Variants in CPQ observed in about 807,000 individuals in gnomAD.
CPQ encodes carboxypeptidase Q.
A neutral mutation model predicts 45.7 loss-of-function variants in CPQ; 37 were observed. The ratio of observed to expected loss-of-function variants is 0.81; its 90% CI spans 0.62 to 1.07. CPQ has a LOEUF of 1.07. Among genes scored for constraint, CPQ ranks in the 50% least tolerant of loss-of-function variants. The pLI is 0.00. For synonymous variants in CPQ, 186 were observed against 205.8 expected (o/e 0.90, Z 0.82); for missense variants, 537 against 572.9 (o/e 0.94, Z 0.64).
chr8:96,785,420 A>C, intron 2 of CPQ, 90 bp downstream of exon 2: 5 of 1,080,670 alleles, frequency 4.6e-6, no homozygotes, highest in Non-Finnish European at 6.5e-6. Flanking sequence ...TCATATTATA[A>C]TTTGGATAAT....
intron 7 of CPQ, among the ~76,000 whole-genome samples, chr8:97,126,435 G>A (rs933411959): frequency 1.3e-5 from 2 of 152,086 alleles, no homozygotes; most frequent in African/African-American, 4.8e-5. Flanking sequence ...CTCTCTTCGT[G>A]ACCTTCCCTA....
intron 2 of CPQ, among the ~76,000 whole-genome samples, chr8:96,802,533 T>G (rs1245738873): frequency 6.6e-6 from 1 of 152,212 alleles, no homozygotes; most frequent in East Asian, 1.9e-4. Flanking sequence ...CTTGTGAGAC[T>G]CTTTACAGTC....
At chr8:96,859,178 C>T (rs1203255644) in intron 3 of CPQ, among the ~76,000 whole-genome samples, 1 of 152,204 alleles carries the variant, frequency 6.6e-6, no homozygotes, top group Non-Finnish European at 1.5e-5. Context: ...GAACAGGTTG[C>T]AATTTTGTTA....
At chr8:96,995,470 A>C (rs186732779) in intron 5 of CPQ, among the ~76,000 whole-genome samples, 163 of 152,042 alleles carry the variant, frequency 1.1e-3, no homozygotes, top group Admixed American at 1.2e-3. Flanking sequence ...TATAGTTTGA[A>C]TGGATTGCTA....
intron 1 of CPQ, among the ~76,000 whole-genome samples, chr8:96,681,970 AC>A (rs1809158704): frequency 6.6e-6 from 1 of 151,942 alleles, no homozygotes; most frequent in Non-Finnish European, 1.5e-5. Context: ...CAATGCTTGT[AC>A]CCCCATTGTA....
At chr8:96,682,891 A>C (rs934192458) in intron 1 of CPQ, among the ~76,000 whole-genome samples, 14 of 152,184 alleles carry the variant, frequency 9.2e-5, no homozygotes, top group Non-Finnish European at 1.8e-4. Context: ...CTTTTTATCC[A>C]TTCAGCTTGA....
intron 4 of CPQ, among the ~76,000 whole-genome samples, chr8:96,929,705 G>C (rs1410175553): frequency 1.3e-5 from 2 of 152,094 alleles, no homozygotes; most frequent in African/African-American, 4.8e-5. Context: ...TTTTACTGTA[G>C]TCTCTTATTT....
rs531542778 is a variant in CPQ, at chr8:97,057,425, A to G, written c.1054-8584A>G. Among the ~76,000 whole-genome samples the G allele has an allele frequency of 1.7e-4, 26 of 152,246 alleles. 1 individual carries two copies. The South Asian group carries it at 5.2e-3, about 30-fold the overall frequency. ...GAGCCATGTAATTACTCCCCTTAGA[A>G]CTGAGCGCTAGAAAAAAATATTGCT... On this transcript the variant is annotated intron_variant, in intron 6 of 7. Coordinates refer to ENST00000220763, the MANE Select transcript of CPQ (RefSeq NM_016134.4).
intron 1 of CPQ, among the ~76,000 whole-genome samples, chr8:96,749,629 C>T (rs1810233324): frequency 6.6e-6 from 1 of 152,084 alleles, no homozygotes; most frequent in South Asian, 2.1e-4. Context: ...GGGAAAAAGG[C>T]TTAGTTCAGG....
At chr8:97,010,313 T>C (rs1039340406) in intron 5 of CPQ, among the ~76,000 whole-genome samples, 3 of 152,140 alleles carry the variant, frequency 2.0e-5, no homozygotes, top group African/African-American at 7.2e-5. Context: ...GGTATGGGCA[T>C]TGGAGTAAAA....
At chr8:96,907,137 A>G (rs1812590035) in intron 4 of CPQ, among the ~76,000 whole-genome samples, 3 of 152,202 alleles carry the variant, frequency 2.0e-5, no homozygotes, top group Admixed American at 2.0e-4. Flanking sequence ...GTAACAGAGA[A>G]CCAACAATCT....
chr8:96,921,626 A>G (rs928511838), intron 4 of CPQ, among the ~76,000 whole-genome samples: 2 of 152,134 alleles, frequency 1.3e-5, no homozygotes, highest in Admixed American at 6.5e-5. Context: ...CTGCACAGAA[A>G]ACTGCTGCTT....
intron 6 of CPQ, among the ~76,000 whole-genome samples, chr8:97,052,864 T>G (rs1303945858): frequency 6.6e-6 from 1 of 152,230 alleles, no homozygotes; most frequent in Admixed American, 6.5e-5. Flanking sequence ...AGCATTTGTT[T>G]TAGCACTTAT....
intron 5 of CPQ, among the ~76,000 whole-genome samples, chr8:97,006,667 A>G (rs1235419747): frequency 1.3e-5 from 2 of 152,220 alleles, no homozygotes; most frequent in Non-Finnish European, 1.5e-5. Context: ...AAAAGTAAGG[A>G]AAACAAAATA....
chr8:96,746,108 T>A (rs1026010140), intron 1 of CPQ, among the ~76,000 whole-genome samples: 1 of 152,152 alleles, frequency 6.6e-6, no homozygotes, highest in Non-Finnish European at 1.5e-5. Context: ...TGTGTACAGG[T>A]GGGGACTTTA....
intron 5 of CPQ, among the ~76,000 whole-genome samples, chr8:96,990,341 C>G (rs1279134359): frequency 6.6e-6 from 1 of 152,190 alleles, no homozygotes; most frequent in African/African-American, 2.4e-5. Context: ...CCTCCCAGCA[C>G]CTACTGCCAG....
chr8:96,726,595 AACTC>A (rs1364934196), intron 1 of CPQ, among the ~76,000 whole-genome samples: 2 of 152,070 alleles, frequency 1.3e-5, no homozygotes, highest in Admixed American at 1.3e-4. Context: ...GACCCATGAG[AACTC>A]ACTCACTATC....
rs897573283 is a variant in CPQ at position 97,076,895 on chromosome 8, A to C, written c.1255+10685A>C. ...ATCTGCATATAACTTTTGACTCCCC[A>C]AAAACTTAACTACTAATGAGCTACT... On this transcript the variant is annotated intron_variant, in intron 7 of 7. Transcript: ENST00000220763. 2.6e-5 allele frequency among the ~76,000 whole-genome samples: 4 copies of C among 152,300 alleles called. No homozygotes were observed. The South Asian group carries it at 8.3e-4, about 32-fold the overall frequency.
At chr8:96,898,040 G>C (rs1253080029) in intron 4 of CPQ, among the ~76,000 whole-genome samples, 4 of 123,336 alleles carry the variant, frequency 3.2e-5, no homozygotes, top group Non-Finnish European at 7.3e-5. Context: ...TAAGGTATCA[G>C]GGCTTGAGAA....
Sources: allele counts gnomAD v4.1 joint callset (sites outside exome capture counted in the v4.1 genomes callset), GRCh38; gene constraint gnomAD v4.1.1; transcripts MANE v1.5; gene names NCBI Gene and HGNC (gene_info 2026-07-23, HGNC 2026-07-21).